The following CYTH3 variants were observed in gnomAD, a reference collection of about 807,000 sequenced individuals.
The protein encoded by CYTH3 is cytohesin-3.
In CYTH3, 23 loss-of-function variants were observed where a neutral mutation model predicts 55.1. The observed-to-expected ratio is 0.42, with a 90% CI of 0.30 to 0.59. The LOEUF (loss-of-function observed/expected upper bound fraction) is 0.59. Ranked by LOEUF, CYTH3 falls within the 20% of genes least tolerant of loss-of-function variation. The probability of loss-of-function intolerance (pLI) is 0.20; values close to 1 mark genes in which losing one functional copy is unlikely to be tolerated. For missense variants in CYTH3, 413 were observed against 524.8 expected (o/e 0.79, Z 2.08); for synonymous variants, 249 against 194.9 (o/e 1.28, Z -2.31).
chr7:6,210,034 G>C (rs966789981), intron 1 of CYTH3, among the ~76,000 whole-genome samples: 9 of 152,088 alleles, frequency 5.9e-5, no homozygotes, highest in Non-Finnish European at 1.0e-4. Flanking sequence ...GGTAATGGTG[G>C]ATCCATGTCA....
chr7:6,234,655 T>G (rs1396204915), intron 1 of CYTH3, among the ~76,000 whole-genome samples: 1 of 152,086 alleles, frequency 6.6e-6, no homozygotes, highest in Non-Finnish European at 1.5e-5. Context: ...CAGCTGTACT[T>G]AGTGAGTAAG....
At chr7:6,269,482 T>A (rs866412799) in intron 1 of CYTH3, among the ~76,000 whole-genome samples, 32 of 152,214 alleles carry the variant, frequency 2.1e-4, no homozygotes, top group Non-Finnish European at 3.7e-4. Flanking sequence ...TATAGTTAAT[T>A]CACCTCATCT....
At chr7:6,200,348 T>C (rs780558295) in intron 1 of CYTH3, among the ~76,000 whole-genome samples, 3 of 152,210 alleles carry the variant, frequency 2.0e-5, no homozygotes, top group Non-Finnish European at 2.9e-5. Context: ...CGCAGTCCTA[T>C]GACTTCTCCT....
At chr7:6,180,352 A>G (rs1320729426) in intron 4 of CYTH3, among the ~76,000 whole-genome samples, 1 of 152,226 alleles carries the variant, frequency 6.6e-6, no homozygotes, top group Non-Finnish European at 1.5e-5. Context: ...GGTGACAAAG[A>G]GACAAGCAGA....
chr7:6,261,048 A>G (rs1054578275), intron 1 of CYTH3, among the ~76,000 whole-genome samples: 3 of 152,186 alleles, frequency 2.0e-5, no homozygotes, highest in Non-Finnish European at 2.9e-5. Context: ...TGAACAAATT[A>G]TTAGAAACAA....
chr7:6,245,133 C>A (rs573785289), intron 1 of CYTH3, among the ~76,000 whole-genome samples: 2 of 151,534 alleles, frequency 1.3e-5, no homozygotes, highest in East Asian at 3.9e-4. Flanking sequence ...AGTCTTTTTA[C>A]ATAAAATGTT....
chr7:6,261,685 G>C (rs1259735990), intron 1 of CYTH3, among the ~76,000 whole-genome samples: 1 of 88,648 alleles, frequency 1.1e-5, no homozygotes, highest in African/African-American at 4.4e-5. Flanking sequence ...GTGAGACCCT[G>C]TCTCAAAAAA....
At chr7:6,229,966 C>A (rs1779348493) in intron 1 of CYTH3, among the ~76,000 whole-genome samples, 1 of 152,022 alleles carries the variant, frequency 6.6e-6, no homozygotes, top group Admixed American at 6.6e-5. Flanking sequence ...GAAAACCTGT[C>A]TCCACTAAAA....
chr7:6,231,799 T>C (rs1360576918), intron 1 of CYTH3, among the ~76,000 whole-genome samples: 3 of 152,192 alleles, frequency 2.0e-5, no homozygotes, highest in African/African-American at 7.2e-5. Flanking sequence ...AATTGTCATG[T>C]GAGCACATGA....
chr7:6,221,902 T>C (rs926861680), intron 1 of CYTH3, among the ~76,000 whole-genome samples: 3 of 152,072 alleles, frequency 2.0e-5, no homozygotes, highest in Non-Finnish European at 2.9e-5. Flanking sequence ...CAGTGAGCTA[T>C]GATGGTGCCA....
intron 1 of CYTH3, among the ~76,000 whole-genome samples, chr7:6,236,364 C>CTTTTTTTTTTT (rs34013002): frequency 8.2e-6 from 1 of 122,316 alleles, no homozygotes. Flanking sequence ...CTACGCCTGA[C>CTTTTTTTTTTT]TTTTTTTTTT....
At chr7:6,256,901 G>C (rs1446304430) in intron 1 of CYTH3, among the ~76,000 whole-genome samples, 2 of 152,166 alleles carry the variant, frequency 1.3e-5, no homozygotes, top group African/African-American at 2.4e-5. Context: ...AGAGCTAGCA[G>C]ACTTCAAGAC....
In CYTH3 at chr7:6,200,676, C is replaced by T. The variant is rs570839580; in HGVS notation, c.35-10145G>A. On this transcript the variant is annotated intron_variant, in intron 1 of 12. Transcript: ENST00000350796. ...TTGAGCACTAGTCCCAGTTAATCCA[C>T]TACATGGAAACTCTACATGGAGCCG... Among the ~76,000 whole-genome samples the T allele has an allele frequency of 3.9e-5, 6 of 152,324 alleles. No homozygotes were observed. The South Asian group carries it at 1.2e-3, about 32-fold the overall frequency.
At chr7:6,216,835 G>C (rs1012175415) in intron 1 of CYTH3, among the ~76,000 whole-genome samples, 1 of 122,334 alleles carries the variant, frequency 8.2e-6, no homozygotes, top group East Asian at 2.2e-4. Context: ...TAACTCACAG[G>C]AAAAAGAAAA....
intron 1 of CYTH3, among the ~76,000 whole-genome samples, chr7:6,248,564 C>A (rs1779883078): frequency 6.6e-6 from 1 of 152,184 alleles, no homozygotes; most frequent in South Asian, 2.1e-4. Context: ...AGGAGAAGCT[C>A]TAGCAGTTTT....
chr7:6,239,814 A>G (rs1012235823), intron 1 of CYTH3, among the ~76,000 whole-genome samples: 7 of 152,238 alleles, frequency 4.6e-5, no homozygotes, highest in Admixed American at 6.5e-5. Flanking sequence ...ATAAATGCAT[A>G]AAACATATGT....
intron 1 of CYTH3, among the ~76,000 whole-genome samples, chr7:6,221,060 T>C (rs112117360): frequency 8.1e-4 from 124 of 152,202 alleles, no homozygotes; most frequent in African/African-American, 2.8e-3. Flanking sequence ...AATTTATTTA[T>C]TCCAGAGAAA....
At chr7:6,216,829 T>A in intron 1 of CYTH3, among the ~76,000 whole-genome samples, 1 of 122,544 alleles carries the variant, frequency 8.2e-6, no homozygotes. Flanking sequence ...TTCAAGTAAC[T>A]CACAGGAAAA....
rs992554506 is a variant in CYTH3, at chr7:6,190,307, C to T, written c.117+142G>A. Reference sequence around the variant, plus strand: ...TCTTTGTGTAGTTCTTATATGCACACACTAAACATCTTTTTTTTTTGTTAT... The same window carrying T: ...TCTTTGTGTAGTTCTTATATGCACATACTAAACATCTTTTTTTTTTGTTAT... On this transcript the variant is annotated intron_variant, in intron 2 of 12. Transcript: ENST00000350796. The T allele has an allele frequency of 1.0e-5, 8 of 773,220 alleles. No homozygotes were observed. The African/African-American group carries it at 1.5e-4, about 14-fold the overall frequency. The allele number at this position is 773,220 out of a possible 1,614,324, so 47.9% of individuals were successfully genotyped here.
Sources: gnomAD v4.1 joint callset for allele counts (sites outside exome capture counted in the v4.1 genomes callset) on GRCh38, gnomAD v4.1.1 for gene constraint, MANE v1.5 for transcripts, NCBI Gene and HGNC (gene_info 2026-07-23, HGNC 2026-07-21) for gene names.